DYNC1H1: variants seen among roughly 807,000 people sequenced by gnomAD.
DYNC1H1 encodes cytoplasmic dynein 1 heavy chain 1.
In DYNC1H1, 51 loss-of-function variants were observed where a neutral mutation model predicts 527.1. The ratio of observed to expected loss-of-function variants is 0.10; its 90% CI spans 0.08 to 0.12. DYNC1H1 has a LOEUF of 0.12. Among genes scored for constraint, DYNC1H1 ranks in the 10% least tolerant of loss-of-function variants. The pLI, the probability that DYNC1H1 is intolerant of heterozygous loss-of-function variation, is 1.00. For missense variants in DYNC1H1, 2,771 were observed against 5,971.8 expected, an observed-to-expected ratio of 0.46 and a Z score of 17.66; for synonymous variants, 2,189 against 2,278.8, an observed-to-expected ratio of 0.96 and a Z score of 1.12.
In DYNC1H1 at chr14:102,036,776, T is replaced by C. The variant is rs1222181438; in HGVS notation, c.10908+134T>C. 25 of 1,196,600 alleles carry C rather than the reference T, an allele frequency of 2.1e-5. No individual in the cohort carries two copies. The South Asian group carries it at 2.9e-4, about 14-fold the overall frequency. 74.1% of individuals were successfully genotyped at this position (1,196,600 alleles called of 1,614,324 possible). A position where few individuals can be genotyped will look rare whatever the true frequency, so the allele number is the denominator to read the frequency against. On this transcript the variant is annotated intron_variant, in intron 57 of 77. Coordinates refer to ENST00000360184, the MANE Select transcript of DYNC1H1 (RefSeq NM_001376.5). The surrounding 1 kb of genome is among the most constrained non-coding windows in gnomAD (Gnocchi z 5.6). ...ATAAAGCTTTGCGGTGGTTCTGTAA[T>C]AGATAAATTCAACAGAATCATTATT...
chr14:102,000,264 G>A (rs760935680), intron 17 of DYNC1H1, 22 bp from the exon 18 acceptor site: 2 of 1,614,128 alleles, frequency 1.2e-6, no homozygotes, highest in Admixed American at 3.3e-5. Context: ...AAAGTCAACT[G>A]CTTTACTATT....
At chr14:102,047,198 C>A (rs1202995079) in intron 72 of DYNC1H1, among the ~76,000 whole-genome samples, 1 of 152,112 alleles carries the variant, frequency 6.6e-6, no homozygotes, top group African/African-American at 2.4e-5. Flanking sequence ...CTGTATCTGT[C>A]TCCTTAGCTT....
chr14:101,986,866 G>A lies in DYNC1H1; in HGVS notation c.2538+103G>A. 1 of 1,345,388 alleles carries A rather than the reference G, an allele frequency of 7.4e-7. No individual in the cohort carries two copies. The highest frequency in any genetic ancestry group is 1.1e-6 in the Non-Finnish European group (1 of 941,728). 83.3% of individuals were successfully genotyped at this position (1,345,388 alleles called of 1,614,324 possible). On this transcript the variant is annotated intron_variant, in intron 8 of 77. Transcript: ENST00000360184. This position sits in a 1 kb window ranked among gnomAD's most constrained non-coding sequence, Gnocchi z 8.7. ...TCTCCCGAAGAAGGCATGCATGGTT[G>A]ATGCAGCATACGGCCATGTGAGCTG...
intron 2 of DYNC1H1, among the ~76,000 whole-genome samples, chr14:101,976,562 GGAAAA>G (rs1214567395): frequency 6.6e-6 from 1 of 151,136 alleles, no homozygotes; most frequent in Non-Finnish European, 1.5e-5. Context: ...AAAAAAAAAA[GGAAAA>G]GAAAACGCTC....
chr14:102,011,192 A>G lies in DYNC1H1; in HGVS notation c.6618+240A>G, dbSNP rs1767874838. 1 of 559,854 alleles carries G rather than the reference A, an allele frequency of 1.8e-6. No individual in the cohort carries two copies. The highest frequency in any genetic ancestry group is 3.2e-6 in the Non-Finnish European group (1 of 311,570). 34.7% of individuals were successfully genotyped at this position (559,854 alleles called of 1,614,324 possible). Reference sequence around the variant, plus strand: ...TACAGTTCAATTTCTGAAAATGCTAAGTGCATGACTATATTGGAAAGTTGT... The same window carrying G: ...TACAGTTCAATTTCTGAAAATGCTAGGTGCATGACTATATTGGAAAGTTGT... On this transcript the variant is annotated intron_variant, in intron 32 of 77. Transcript: ENST00000360184. The surrounding 1 kb of genome is among the most constrained non-coding windows in gnomAD (Gnocchi z 5.3).
intron 56 of DYNC1H1, 151 bp downstream of exon 56, chr14:102,034,603 C>T (rs935244872): frequency 1.6e-5 from 20 of 1,246,284 alleles, no homozygotes; most frequent in East Asian, 4.8e-5. Flanking sequence ...GATGGTGGGG[C>T]GTGTGCTGTT....
At chr14:102,023,065 C>T (rs2048405028) in intron 43 of DYNC1H1, 185 bp downstream of exon 43, 2 of 936,106 alleles carry the variant, frequency 2.1e-6, no homozygotes, top group South Asian at 2.8e-5. Context: ...GAGTTTGAGA[C>T]CAGCCTGGGC....
chr14:102,038,379 G>GA lies in DYNC1H1; in HGVS notation c.10909-80dup. 6.3e-7 allele frequency: 1 copy of GA among 1,577,544 alleles called. No homozygotes were observed. Among genetic ancestry groups the GA allele is most frequent in the African/African-American group, 1.3e-5 (1 of 74,124 alleles). ...GCTTTTGGGAAGGTATGCTTATCCA[G>GA]AGTAGGACAGCAACATAGCATTTGG... On this transcript the variant is annotated intron_variant, in intron 57 of 77. Coordinates refer to ENST00000360184, the MANE Select transcript of DYNC1H1 (RefSeq NM_001376.5). The surrounding 1 kb of genome is among the most constrained non-coding windows in gnomAD (Gnocchi z 7.2).
chr14:102,024,876 A>G (rs1426427248), intron 43 of DYNC1H1, among the ~76,000 whole-genome samples: 2 of 150,912 alleles, frequency 1.3e-5, no homozygotes, highest in Non-Finnish European at 3.0e-5. Context: ...TTGTATTTTT[A>G]GTAGAGATGG....
At position 102,034,071 on chromosome 14, in the gene DYNC1H1, T is replaced by C. The variant is rs748005834; in HGVS notation, c.10509T>C (p.Ile3503=). Residue 3503 remains isoleucine, a synonymous_variant, in exon 55 of 78, where the codon ATT becomes ATC. Coordinates refer to ENST00000360184, the MANE Select transcript of DYNC1H1 (RefSeq NM_001376.5). ...CTTTCAAAAACCAGATGTCCACCAT[T>C]GCTGGGGACTGTCTCTTGTCAGCTG... ...SETFKNQMST[I]AGDCLLSAAF... is the part of the protein sequence containing the mutation. 1 of 1,614,182 alleles carries C rather than the reference T, an allele frequency of 6.2e-7. No individual in the cohort carries two copies. The highest frequency in any genetic ancestry group is 1.1e-5 in the South Asian group (1 of 91,084).
chr14:102,032,504 T>C, intron 52 of DYNC1H1, 37 bp downstream of exon 52: 1 of 1,613,308 alleles, frequency 6.2e-7, no homozygotes, highest in South Asian at 1.1e-5. Context: ...TGCCAGAAAT[T>C]GAAATCAGTT....
intron 62 of DYNC1H1, 123 bp from the exon 63 acceptor site, chr14:102,040,113 G>A: frequency 7.3e-7 from 1 of 1,362,250 alleles, no homozygotes; most frequent in Non-Finnish European, 1.0e-6. Flanking sequence ...CCAGAGTGCT[G>A]AGATTATAGG....
rs1463993163 is a variant in DYNC1H1, at chr14:102,027,340, C to T, written c.8887-43C>T. 6.2e-7 allele frequency: 1 copy of T among 1,614,086 alleles called. No individual in the cohort carries two copies. The highest frequency in any genetic ancestry group is 8.5e-7 in the Non-Finnish European group (1 of 1,180,010). On this transcript the variant is annotated intron_variant, in intron 45 of 77. Transcript: ENST00000360184. This position sits in a 1 kb window ranked among gnomAD's most constrained non-coding sequence, Gnocchi z 7.7. ...CCCAGCAACAGATGTGTGTGCAGAGCTCAGTGAGTAGGAATGGACCTAACT... is the reference window on the plus strand; with the variant it reads ...CCCAGCAACAGATGTGTGTGCAGAGTTCAGTGAGTAGGAATGGACCTAACT...
chr14:101,967,269 G>A (rs932477882), intron 1 of DYNC1H1, among the ~76,000 whole-genome samples: 1 of 152,002 alleles, frequency 6.6e-6, no homozygotes, highest in Admixed American at 6.6e-5. Flanking sequence ...TCAAATATGT[G>A]CATCCAGTAG....
In DYNC1H1 at chr14:102,050,831, GCA is replaced by G. The variant is rs1047887093; in HGVS notation, c.*271_*272del. 1.7e-4 allele frequency: 76 copies of G among 456,426 alleles called. 1 individual carries two copies. Among genetic ancestry groups the G allele is most frequent in the South Asian group, 1.4e-3 (70 of 48,470 alleles). 28.3% of individuals were successfully genotyped at this position (456,426 alleles called of 1,614,324 possible). ...CTTCTGTCTCCGCTTTCATCCCAGG[GCA>G]CAGAGCCTTGCCTTCCATGCTGCCC... On this transcript the variant is annotated 3_prime_UTR_variant, in exon 78 of 78. Coordinates refer to ENST00000360184, the MANE Select transcript of DYNC1H1 (RefSeq NM_001376.5).
rs1228912585 is a variant in DYNC1H1 at position 101,988,779 on chromosome 14, A to G, written c.2795A>G (p.Asp932Gly). ...CAGGTTCTTCTTGGACAAGCTGAAG[A>G]TAAAGCAGAAGTTGACATGGACACA... ...WTQVLLGQAE[D>G]KAEVDMDTDA... The change falls in exon 10 of 78, where the codon GAT becomes GGT. Residue 932 changes from aspartate to glycine, a missense_variant. Physicochemically the swap from Asp to Gly is moderately conservative, Grantham distance 94. Coordinates refer to ENST00000360184, the MANE Select transcript of DYNC1H1 (RefSeq NM_001376.5). The G allele has an allele frequency of 6.2e-7, 1 of 1,614,124 alleles. No homozygotes were observed. The highest frequency in any genetic ancestry group is 1.3e-5 in the African/African-American group (1 of 74,942).
chr14:102,010,104 C>T lies in DYNC1H1; in HGVS notation c.6221+18C>T. On this transcript the variant is annotated intron_variant, in intron 30 of 77. Transcript: ENST00000360184. The surrounding 1 kb of genome is among the most constrained non-coding windows in gnomAD (Gnocchi z 6.0). The stretch of plus-strand genomic sequence containing the variant: ...TTTTTTAAGTAAGTAGCCTAGAATT[C>T]TTCATAATCATGTTTCTTGCATATG... 1 of 1,540,004 alleles carries T rather than the reference C, an allele frequency of 6.5e-7. No individual in the cohort carries two copies. The highest frequency in any genetic ancestry group is 9.0e-7 in the Non-Finnish European group (1 of 1,114,462).
At chr14:101,970,473 G>GTTTTTTTT (rs958653217) in intron 1 of DYNC1H1, among the ~76,000 whole-genome samples, 12 of 81,464 alleles carry the variant, frequency 1.5e-4, no homozygotes, top group Non-Finnish European at 2.0e-4. Flanking sequence ...GTTTGTTGTT[G>GTTTTTTTT]TTTTTTTTTT....
In DYNC1H1 at chr14:102,017,683, T is replaced by C. The variant is rs1027762150; in HGVS notation, c.8177+179T>C. 2.4e-6 allele frequency: 3 copies of C among 1,255,822 alleles called. No homozygotes were observed. Among genetic ancestry groups the C allele is most frequent in the Non-Finnish European group, 3.3e-6 (3 of 900,594 alleles). 77.8% of individuals were successfully genotyped at this position (1,255,822 alleles called of 1,614,324 possible). A position where few individuals can be genotyped will look rare whatever the true frequency, so the allele number is the denominator to read the frequency against. ...GGAAAACATGTTAAAAATAAAAGCA[T>C]TGGCCGGGCGCAGTGGCTTACGCCT... On this transcript the variant is annotated intron_variant, in intron 40 of 77. Transcript: ENST00000360184. This position sits in a 1 kb window ranked among gnomAD's most constrained non-coding sequence, Gnocchi z 4.6.
Sources: allele counts gnomAD v4.1 joint callset (sites outside exome capture counted in the v4.1 genomes callset), GRCh38; gene constraint gnomAD v4.1.1; non-coding constraint Gnocchi (gnomAD v3.1); transcripts MANE v1.5; gene names NCBI Gene and HGNC (gene_info 2026-07-23, HGNC 2026-07-21).